STARD13: variants seen among roughly 807,000 people sequenced by gnomAD.
STARD13 encodes the protein stAR-related lipid transfer protein 13.
A neutral mutation model predicts 106.4 loss-of-function variants in STARD13; 62 were observed. The observed-to-expected ratio is 0.58, with a 90% CI of 0.48 to 0.72. STARD13 has a LOEUF of 0.72. STARD13 is among the 30% of genes least tolerant of loss of function. STARD13 has a pLI of 0.00. For missense variants in STARD13, 1,387 were observed against 1,424.0 expected (o/e 0.97, Z 0.42); for synonymous variants, 565 against 553.0 (o/e 1.02, Z -0.31).
chr13:33,648,783 CTTTTTTTTTTTTTT>C, the STARD13 span, among the ~76,000 whole-genome samples: 9 of 77,010 alleles, frequency 1.2e-4, no homozygotes, highest in African/African-American at 2.4e-4. Flanking sequence ...TTTTCTCTTT[CTTTTTTTTTTTTTT>C]TTTTTTTTTT....
At chr13:33,604,341 A>G in the STARD13 span, among the ~76,000 whole-genome samples, 344 of 152,350 alleles carry the variant, frequency 2.3e-3, no homozygotes, top group African/African-American at 8.1e-3. Flanking sequence ...CAAGCATAAT[A>G]AAAAGAAATT....
chr13:33,119,315 T>G (rs1168505100), intron 7 of STARD13, among the ~76,000 whole-genome samples: 1 of 152,200 alleles, frequency 6.6e-6, no homozygotes, highest in Non-Finnish European at 1.5e-5. Flanking sequence ...CCCCAGTGGC[T>G]CATGGGTTGG....
At chr13:33,300,322 T>C (rs146301182) in intron 1 of STARD13, among the ~76,000 whole-genome samples, 15 of 152,332 alleles carry the variant, frequency 9.8e-5, no homozygotes, top group Admixed American at 7.8e-4. Flanking sequence ...GGTGAGAACT[T>C]TGAAGCAAGT....
At chr13:33,495,700 C>A in the STARD13 span, among the ~76,000 whole-genome samples, 1 of 151,262 alleles carries the variant, frequency 6.6e-6, no homozygotes, top group Non-Finnish European at 1.5e-5. Flanking sequence ...GTTTTCCATG[C>A]CTCTTTTATA....
chr13:33,314,444 C>T (rs1893253965), intron 1 of STARD13, among the ~76,000 whole-genome samples: 1 of 152,156 alleles, frequency 6.6e-6, no homozygotes, highest in African/African-American at 2.4e-5. Context: ...GATGTGTTAT[C>T]AGGATAAGGA....
the STARD13 span, among the ~76,000 whole-genome samples, chr13:33,406,821 C>T: frequency 6.6e-6 from 1 of 152,154 alleles, no homozygotes; most frequent in East Asian, 1.9e-4. Context: ...AACAGGAAGG[C>T]AGAGCGTCGC....
the STARD13 span, among the ~76,000 whole-genome samples, chr13:33,514,840 G>A: frequency 1.3e-5 from 2 of 152,178 alleles, no homozygotes; most frequent in Non-Finnish European, 2.9e-5. Flanking sequence ...TTAGACATAC[G>A]TGGACCTCTC....
At chr13:33,580,982 G>A in the STARD13 span, among the ~76,000 whole-genome samples, 3 of 152,092 alleles carry the variant, frequency 2.0e-5, no homozygotes, top group Non-Finnish European at 2.9e-5. Context: ...TGAAGACATT[G>A]TATTTATGTT....
At chr13:33,613,841 A>G in the STARD13 span, among the ~76,000 whole-genome samples, 1 of 152,214 alleles carries the variant, frequency 6.6e-6, no homozygotes, top group Non-Finnish European at 1.5e-5. Context: ...GGGGTGGGAA[A>G]GGACACAAAA....
At chr13:33,576,230 T>C in the STARD13 span, among the ~76,000 whole-genome samples, 1 of 152,062 alleles carries the variant, frequency 6.6e-6, no homozygotes, top group African/African-American at 2.4e-5. Context: ...TTGGTTCTGC[T>C]CTTTTTTTTT....
chr13:33,499,526 T>TTCTTCTTCTTCC, the STARD13 span, among the ~76,000 whole-genome samples: 8 of 22,776 alleles, frequency 3.5e-4, no homozygotes, highest in African/African-American at 1.3e-3. Flanking sequence ...TTCTTTCTTC[T>TTCTTCTTCTTCC]TCTTCTTCTT....
the STARD13 span, among the ~76,000 whole-genome samples, chr13:33,518,234 C>A: frequency 6.6e-6 from 1 of 152,238 alleles, no homozygotes; most frequent in Non-Finnish European, 1.5e-5. Context: ...AATTACCCCC[C>A]ATCCCAGATT....
downstream of STARD13, among the ~76,000 whole-genome samples, chr13:33,348,273 A>G (rs964914819): frequency 2.0e-5 from 3 of 152,230 alleles, no homozygotes; most frequent in Admixed American, 6.5e-5. Context: ...AGCTTTCTAT[A>G]TATTCACGAT....
chr13:33,586,517 A>C, the STARD13 span, among the ~76,000 whole-genome samples: 2 of 152,158 alleles, frequency 1.3e-5, no homozygotes, highest in Non-Finnish European at 2.9e-5. Context: ...ATACTAGTGG[A>C]TTTCCAATTC....
chr13:33,423,435 T>TA, the STARD13 span, among the ~76,000 whole-genome samples: 1 of 151,732 alleles, frequency 6.6e-6, no homozygotes, highest in African/African-American at 2.4e-5. Flanking sequence ...ATTAAAAAGT[T>TA]AGGAAACAGC....
intron 12 of STARD13, among the ~76,000 whole-genome samples, chr13:33,109,485 C>T (rs1204987775): frequency 2.0e-5 from 3 of 152,214 alleles, no homozygotes; most frequent in Admixed American, 6.5e-5. Flanking sequence ...GAGTTACACA[C>T]ACTTTCCCAG....
the STARD13 span, among the ~76,000 whole-genome samples, chr13:33,494,001 A>G: frequency 6.9e-6 from 1 of 144,406 alleles, no homozygotes; most frequent in African/African-American, 2.4e-5. Context: ...CCAAAAAGGC[A>G]AAACCACTTT....
intron 12 of STARD13, among the ~76,000 whole-genome samples, chr13:33,108,568 C>G (rs1874086272): frequency 6.6e-6 from 1 of 152,242 alleles, no homozygotes; most frequent in Non-Finnish European, 1.5e-5. Flanking sequence ...AATACAAACC[C>G]CAAGAGAGCA....
At chr13:33,287,994 G>A (rs181753557), upstream of STARD13, among the ~76,000 whole-genome samples, 115 of 152,210 alleles carry the variant, frequency 7.6e-4, no homozygotes, top group African/African-American at 2.7e-3. Context: ...CATTTCCAAT[G>A]CCAACCTTGC....
Sources: gnomAD v4.1 joint callset for allele counts (sites outside exome capture counted in the v4.1 genomes callset) on GRCh38, gnomAD v4.1.1 for gene constraint, MANE v1.5 for transcripts, NCBI Gene and HGNC (gene_info 2026-07-23, HGNC 2026-07-21) for gene names.